Variants in NUP155 observed in about 807,000 individuals in gnomAD.
NUP155 encodes nuclear pore complex protein Nup155.
Under a neutral mutation model 180.4 loss-of-function variants are expected in NUP155, and 71 were observed. That is an observed-to-expected ratio of 0.39 (90% CI 0.33 to 0.48). The LOEUF (loss-of-function observed/expected upper bound fraction) is 0.48, where lower values mean the gene tolerates loss of function less well. Among genes scored for constraint, NUP155 ranks in the 20% least tolerant of loss-of-function variants. The probability of loss-of-function intolerance (pLI) is 0.91; values close to 1 mark genes in which losing one functional copy is unlikely to be tolerated. For synonymous variants in NUP155, 582 were observed against 559.5 expected, an observed-to-expected ratio of 1.04 and a Z score of -0.57; for missense variants, 1,553 against 1,648.9, an observed-to-expected ratio of 0.94 and a Z score of 1.01.
chr5:37,324,495 T>C (rs1419507893), intron 19 of NUP155, among the ~76,000 whole-genome samples: 1 of 152,162 alleles, frequency 6.6e-6, no homozygotes, highest in Non-Finnish European at 1.5e-5. Context: ...GTTTTTAGAC[T>C]TCCATATATA....
chr5:37,295,520 G>A (rs1742490555), intron 32 of NUP155, among the ~76,000 whole-genome samples: 1 of 151,472 alleles, frequency 6.6e-6, no homozygotes, highest in Non-Finnish European at 1.5e-5. Flanking sequence ...CGTCTGGGAT[G>A]TGAGGAGCCC....
intron 18 of NUP155, 148 bp from the exon 19 acceptor site, chr5:37,326,115 T>C: frequency 1.6e-6 from 1 of 639,110 alleles, no homozygotes; most frequent in South Asian, 1.9e-5. Context: ...TCTAGAAGAG[T>C]GGAATACTAG....
At chr5:37,303,872 G>T (rs967751685) in intron 27 of NUP155, among the ~76,000 whole-genome samples, 1 of 151,986 alleles carries the variant, frequency 6.6e-6, no homozygotes, top group Non-Finnish European at 1.5e-5. Context: ...GCCTAGGGAG[G>T]TCAAGGCTAC....
intron 30 of NUP155, 52 bp from the exon 31 acceptor site, chr5:37,299,620 G>A: frequency 1.3e-6 from 2 of 1,560,810 alleles, no homozygotes; most frequent in African/African-American, 1.4e-5. Context: ...AACATTCAGA[G>A]ATTAATAGTG....
In NUP155 at chr5:37,291,760, T is replaced by C; in HGVS notation, c.*140A>G. 4.2e-6 allele frequency: 3 copies of C among 713,264 alleles called. No homozygotes were observed. Among genetic ancestry groups the C allele is most frequent in the Admixed American group, 2.8e-5 (1 of 35,824 alleles). The allele number at this position is 713,264 out of a possible 1,614,324, so 44.2% of individuals were successfully genotyped here. A position where few individuals can be genotyped will look rare whatever the true frequency, so the allele number is the denominator to read the frequency against. On this transcript the variant is annotated 3_prime_UTR_variant, in exon 35 of 35. Coordinates refer to ENST00000231498, the MANE Select transcript of NUP155 (RefSeq NM_153485.3). ...AGAATTCATTTAGCAAAGGTACTAT[T>C]TGTAGATATTAGCCACTTATTAAAA...
intron 4 of NUP155, among the ~76,000 whole-genome samples, chr5:37,357,876 C>T (rs1041083346): frequency 1.6e-4 from 25 of 152,100 alleles, no homozygotes; most frequent in South Asian, 1.2e-3. Context: ...GCCCGTAATC[C>T]CAGCTATTCG....
At chr5:37,315,699 T>C (rs1220035884) in intron 21 of NUP155, among the ~76,000 whole-genome samples, 2 of 152,150 alleles carry the variant, frequency 1.3e-5, no homozygotes, top group African/African-American at 2.4e-5. Flanking sequence ...TCCTACCACT[T>C]TGGGAGGCCG....
At chr5:37,350,099 G>T in intron 7 of NUP155, 61 bp downstream of exon 7, 1 of 1,111,312 alleles carries the variant, frequency 9.0e-7, no homozygotes, top group Non-Finnish European at 1.4e-6. Context: ...TGAAGAAAAC[G>T]TTGAGGGAAC....
intron 4 of NUP155, among the ~76,000 whole-genome samples, chr5:37,355,478 C>G (rs1446395359): frequency 6.6e-6 from 1 of 151,644 alleles, no homozygotes; most frequent in Non-Finnish European, 1.5e-5. Flanking sequence ...CCACTGTACT[C>G]CAGCCTGGGT....
intron 9 of NUP155, among the ~76,000 whole-genome samples, chr5:37,347,933 G>A (rs1293449469): frequency 6.6e-6 from 1 of 151,948 alleles, no homozygotes; most frequent in South Asian, 2.1e-4. Flanking sequence ...TCAAGAGATC[G>A]AGACCATCCT....
intron 32 of NUP155, among the ~76,000 whole-genome samples, chr5:37,296,862 ATC>A (rs1742609750): frequency 6.6e-6 from 1 of 152,122 alleles, no homozygotes; most frequent in African/African-American, 2.4e-5. Context: ...TGCCTATCTT[ATC>A]ATAAACAGTA....
chr5:37,313,243 C>A (rs1743636910), intron 22 of NUP155, among the ~76,000 whole-genome samples: 1 of 151,538 alleles, frequency 6.6e-6, no homozygotes, highest in African/African-American at 2.4e-5. Flanking sequence ...TCACCCTGGG[C>A]AACACGGTGA....
chr5:37,309,354 A>T, intron 23 of NUP155, 87 bp from the exon 24 acceptor site: 9 of 1,042,270 alleles, frequency 8.6e-6, no homozygotes, highest in East Asian at 2.7e-5. Flanking sequence ...CTATGTCTAA[A>T]TTTATATATG....
At chr5:37,292,338 CCCGTGT>C (rs1197312821) in intron 34 of NUP155, among the ~76,000 whole-genome samples, 2 of 151,990 alleles carry the variant, frequency 1.3e-5, no homozygotes, top group African/African-American at 4.8e-5. Flanking sequence ...GCCTCAGCCT[CCCGTGT>C]AGCTGGGACT....
At chr5:37,351,751 A>C (rs1327122628) in intron 5 of NUP155, among the ~76,000 whole-genome samples, 6 of 151,982 alleles carry the variant, frequency 3.9e-5, no homozygotes, top group Non-Finnish European at 8.8e-5. Context: ...ACCCAGCCTT[A>C]CTCAATTCTT....
intron 14 of NUP155, among the ~76,000 whole-genome samples, chr5:37,331,447 G>T (rs1009919045): frequency 8.6e-5 from 13 of 151,900 alleles, no homozygotes; most frequent in African/African-American, 2.7e-4. Flanking sequence ...GCTGGCACAT[G>T]CCTGTAATCC....
intron 24 of NUP155, among the ~76,000 whole-genome samples, chr5:37,308,833 T>A (rs1743334685): frequency 7.2e-6 from 1 of 139,708 alleles, no homozygotes; most frequent in South Asian, 2.2e-4. Context: ...TGAGCTGAGA[T>A]CGTGCCACTG....
chr5:37,333,394 T>G (rs1369904593), intron 13 of NUP155, 69 bp downstream of exon 13: 1 of 1,343,472 alleles, frequency 7.4e-7, no homozygotes, highest in African/African-American at 1.4e-5. Context: ...AGCCACTACT[T>G]CAGAGAACTT....
chr5:37,344,345 G>GAAA (rs537055020), intron 9 of NUP155, among the ~76,000 whole-genome samples: 1 of 54,132 alleles, frequency 1.8e-5, no homozygotes, highest in Non-Finnish European at 3.9e-5. Flanking sequence ...CTGTCTCAAA[G>GAAA]AAAAAAAAAA....
Sources: allele counts gnomAD v4.1 joint callset (sites outside exome capture counted in the v4.1 genomes callset), GRCh38; gene constraint gnomAD v4.1.1; transcripts MANE v1.5; gene names NCBI Gene and HGNC (gene_info 2026-07-23, HGNC 2026-07-21).